PINX1: variants seen among roughly 807,000 people sequenced by gnomAD.
PINX1 encodes the protein PIN2 (TERF1) interacting telomerase inhibitor 1.
A neutral mutation model predicts 25.4 loss-of-function variants in PINX1; 34 were observed. The observed-to-expected ratio is 1.34, with a 90% CI of 1.02 to 1.78. The LOEUF (loss-of-function observed/expected upper bound fraction) is 1.78. PINX1 is among the 40% of genes most tolerant of loss of function. The pLI is 0.00. For synonymous variants in PINX1, 197 were observed against 147.7 expected (o/e 1.33, Z -2.42); for missense variants, 592 against 404.9 (o/e 1.46, Z -3.97).
At chr8:10,835,840 T>A (rs1405029037) in intron 1 of PINX1, among the ~76,000 whole-genome samples, 1 of 152,224 alleles carries the variant, frequency 6.6e-6, no homozygotes, top group Non-Finnish European at 1.5e-5. Flanking sequence ...TTAAGGGAAC[T>A]GCTTTGAATC....
chr8:10,821,695 A>G (rs1312875879), intron 5 of PINX1, among the ~76,000 whole-genome samples: 1 of 152,172 alleles, frequency 6.6e-6, no homozygotes, highest in Non-Finnish European at 1.5e-5. Context: ...TGCCAGCACA[A>G]CCCATTTTCC....
chr8:10,826,238 G>A lies in PINX1; in HGVS notation c.308C>T (p.Ser103Leu), dbSNP rs375916595. The change falls in exon 5 of 7, where the codon TCG (serine) becomes TTG (leucine). Residue 103 changes from serine (S) to leucine (L), a missense_variant. By Grantham distance (145) the Ser-to-Leu change is moderately radical. Transcript: ENST00000314787. ...TCHGQETTDSSDKKEKKSFSL... is the reference protein window; with the variant it reads ...TCHGQETTDSLDKKEKKSFSL... ...AAAAGATTTCTTTTCCTTCTTGTCC[G>A]AGGAATCTTTAAAAAAGATGAAAAA... 1.7e-5 allele frequency: 27 copies of A among 1,551,652 alleles called. No individual in the cohort carries two copies. The highest frequency in any genetic ancestry group is 6.8e-5 in the East Asian group (3 of 44,428).
At chr8:10,770,527 T>G (rs1167984642) in intron 6 of PINX1, among the ~76,000 whole-genome samples, 1 of 152,236 alleles carries the variant, frequency 6.6e-6, no homozygotes, top group African/African-American at 2.4e-5. Context: ...ATCCTCCATC[T>G]GGAGACTCTG....
intron 1 of PINX1, among the ~76,000 whole-genome samples, chr8:10,835,108 AG>A (rs1373387622): frequency 2.0e-5 from 3 of 152,242 alleles, no homozygotes; most frequent in African/African-American, 7.2e-5. Flanking sequence ...TGTGGACACC[AG>A]CATCCTCATC....
At chr8:10,771,928 C>G (rs1304309957) in intron 6 of PINX1, among the ~76,000 whole-genome samples, 1 of 152,192 alleles carries the variant, frequency 6.6e-6, no homozygotes, top group Non-Finnish European at 1.5e-5. Flanking sequence ...TGGCCCTTAG[C>G]AATAAATAGA....
chr8:10,789,471 T>G (rs992130127), intron 6 of PINX1, among the ~76,000 whole-genome samples: 2 of 152,290 alleles, frequency 1.3e-5, no homozygotes, highest in Middle Eastern at 3.4e-3. Flanking sequence ...AAATTTCGAG[T>G]ACACAGTGTG....
intron 6 of PINX1, among the ~76,000 whole-genome samples, chr8:10,795,794 A>C (rs1217806674): frequency 6.6e-6 from 1 of 152,222 alleles, no homozygotes; most frequent in Non-Finnish European, 1.5e-5. Context: ...TTTTTAAACC[A>C]AAATCTCTGT....
chr8:10,836,294 A>C (rs1798404840), intron 1 of PINX1, among the ~76,000 whole-genome samples: 1 of 152,186 alleles, frequency 6.6e-6, no homozygotes, highest in African/African-American at 2.4e-5. Context: ...AGAAAAAAAA[A>C]GGTGACCCAA....
At chr8:10,821,180 C>T (rs956923804) in intron 5 of PINX1, among the ~76,000 whole-genome samples, 2 of 152,230 alleles carry the variant, frequency 1.3e-5, no homozygotes, top group Admixed American at 6.5e-5. Flanking sequence ...CGCTGGAAGC[C>T]GAGTTCCACC....
intron 6 of PINX1, among the ~76,000 whole-genome samples, chr8:10,783,990 C>T (rs1801671647): frequency 6.6e-6 from 1 of 152,150 alleles, no homozygotes; most frequent in African/African-American, 2.4e-5. Flanking sequence ...AAGGTGCCTC[C>T]ACAGTATGAG....
intron 6 of PINX1, among the ~76,000 whole-genome samples, chr8:10,791,130 T>G (rs577313151): frequency 3.5e-4 from 54 of 152,158 alleles, no homozygotes; most frequent in Non-Finnish European, 6.0e-4. Flanking sequence ...GCCAGTCTGG[T>G]CTTGAATTCC....
chr8:10,781,098 G>A (rs531375104), intron 6 of PINX1, among the ~76,000 whole-genome samples: 7 of 152,246 alleles, frequency 4.6e-5, no homozygotes, highest in African/African-American at 1.7e-4. Context: ...AGACACAATG[G>A]GGAAAGGATA....
chr8:10,825,377 G>A (rs1224168492), intron 5 of PINX1: 1 of 534,770 alleles, frequency 1.9e-6, no homozygotes, highest in South Asian at 1.4e-5. Context: ...AGATATTACA[G>A]CATCAGCAGC....
intron 5 of PINX1, among the ~76,000 whole-genome samples, chr8:10,824,348 C>T (rs1797970640): frequency 6.6e-6 from 1 of 152,216 alleles, no homozygotes; most frequent in Admixed American, 6.5e-5. Flanking sequence ...CTTTTCCTCA[C>T]TCCCTGGACT....
At position 10,834,685 on chromosome 8, in the gene PINX1, A is replaced by T. The variant is rs1250264361; in HGVS notation, c.110T>A (p.Met37Lys). 2 of 1,613,544 alleles carry T rather than the reference A, an allele frequency of 1.2e-6. No individual in the cohort carries two copies. The highest frequency in any genetic ancestry group is 1.7e-6 in the Non-Finnish European group (2 of 1,179,696). ...AAATACCTTTCCTTTAGACCACCCC[A>T]TCTTCTCTAGCATCCGCTGGCCAAA... is the stretch of plus-strand genomic sequence containing the variant. ...SKFGQRMLEK[M>K]GWSKGKGLGA... The change falls in exon 2 of 7, where the codon ATG becomes AAG. Residue 37 changes from methionine to lysine, a missense_variant. Transcript: ENST00000314787.
chr8:10,802,695 C>T (rs1224284432), intron 6 of PINX1, among the ~76,000 whole-genome samples: 5 of 152,164 alleles, frequency 3.3e-5, no homozygotes, highest in African/African-American at 7.2e-5. Context: ...CACCTCACTT[C>T]GGTCCCATGG....
At position 10,765,771 on chromosome 8, in the gene PINX1, T is replaced by G; in HGVS notation, c.617A>C (p.Gln206Pro). Reference protein sequence around the residue: ...PVPGSDISETQVERKRGKKRN... With the variant: ...PVPGSDISETPVERKRGKKRN... ...TTTCTTCCCCCTTTTACGTTCCACC[T>G]GCGTCTCAGAAATGTCAGACCCTGG... is the stretch of plus-strand genomic sequence containing the variant. The change falls in exon 7 of 7, where the codon CAG becomes CCG. Residue 206 changes from glutamine (Q) to proline (P), a missense_variant. By Grantham distance (76) the Gln-to-Pro change is moderately conservative. Transcript: ENST00000314787. The G allele has an allele frequency of 6.2e-7, 1 of 1,614,016 alleles. No individual in the cohort carries two copies. The highest frequency in any genetic ancestry group is 8.5e-7 in the Non-Finnish European group (1 of 1,179,898).
intron 6 of PINX1, 36 bp from the exon 7 acceptor site, chr8:10,765,952 A>C: frequency 6.2e-7 from 1 of 1,600,336 alleles, no homozygotes; most frequent in Non-Finnish European, 8.5e-7. Flanking sequence ...GCAGGTAAGC[A>C]TCAACTGTTC....
At chr8:10,839,519 G>A (rs1798505694) in intron 1 of PINX1, among the ~76,000 whole-genome samples, 1 of 152,202 alleles carries the variant, frequency 6.6e-6, no homozygotes, top group Admixed American at 6.5e-5. Flanking sequence ...GCGTCTCCGG[G>A]AGACACTTGC....
Sources: allele counts gnomAD v4.1 joint callset (sites outside exome capture counted in the v4.1 genomes callset), GRCh38; gene constraint gnomAD v4.1.1; transcripts MANE v1.5; gene names NCBI Gene and HGNC (gene_info 2026-07-23, HGNC 2026-07-21).